Variants in WIPI2 observed in about 807,000 individuals in gnomAD.
WIPI2 encodes the protein WD repeat domain, phosphoinositide interacting 2.
Under a neutral mutation model 52.3 loss-of-function variants are expected in WIPI2, and 28 were observed. That is an observed-to-expected ratio of 0.54 (90% CI 0.40 to 0.73). The LOEUF is 0.73. Ranked by LOEUF, WIPI2 falls within the 30% of genes least tolerant of loss-of-function variation. The pLI is 0.00. For missense variants in WIPI2, 506 were observed against 602.9 expected (o/e 0.84, Z 1.68); for synonymous variants, 268 against 245.0 (o/e 1.09, Z -0.88).
In WIPI2 at chr7:5,218,189, C is replaced by T. The variant is rs367941231; in HGVS notation, c.669+175C>T. The T allele has an allele frequency of 6.9e-5, 42 of 606,944 alleles. No homozygotes were observed. The East Asian group carries it at 7.5e-4, about 11-fold the overall frequency. 37.6% of individuals were successfully genotyped at this position (606,944 alleles called of 1,614,324 possible). A position where few individuals can be genotyped will look rare whatever the true frequency, so the allele number is the denominator to read the frequency against. ...GTGTACTGCCCGAGAGTGAGCGGAG[C>T]TTGCAGTGTGCCACTGGGACGGGAG... On this transcript the variant is annotated intron_variant, in intron 7 of 12. Transcript: ENST00000288828.
At position 5,231,749 on chromosome 7, in the gene WIPI2, ATT is replaced by A. The variant is rs3839712; in HGVS notation, c.*816_*817del. On this transcript the variant is annotated 3_prime_UTR_variant, in exon 13 of 13. Coordinates refer to ENST00000288828, the MANE Select transcript of WIPI2 (RefSeq NM_015610.4). ...ACTCTTCCTGTTGAAAAACTGTGTG[ATT>A]TTTTTTTTTTTTTAAGTAAAGTTTG... 358 of 150,128 alleles carry A rather than the reference ATT, an allele frequency of 2.4e-3. No individual in the cohort carries two copies. Among genetic ancestry groups the A allele is most frequent in the Middle Eastern group, 0.01 (3 of 298 alleles). The allele number at this position is 150,128 out of a possible 1,614,324, so 9.3% of individuals were successfully genotyped here. A position where few individuals can be genotyped will look rare whatever the true frequency, so the allele number is the denominator to read the frequency against.
At chr7:5,210,558 C>T (rs559768557) in intron 3 of WIPI2, among the ~76,000 whole-genome samples, 2 of 152,264 alleles carry the variant, frequency 1.3e-5, no homozygotes, top group African/African-American at 4.8e-5. Flanking sequence ...ATGGCAGGCA[C>T]TGCCCTGTTT....
intron 11 of WIPI2, 103 bp downstream of exon 11, chr7:5,228,314 GA>G: frequency 9.0e-7 from 1 of 1,110,624 alleles, no homozygotes; most frequent in Non-Finnish European, 1.3e-6. Context: ...CAGTGACATA[GA>G]GGGGCAGATT....
chr7:5,190,269 C>G lies in WIPI2; in HGVS notation c.-151C>G, dbSNP rs900778396. 1 of 381,178 alleles carries G rather than the reference C, an allele frequency of 2.6e-6. No individual in the cohort carries two copies. The highest frequency in any genetic ancestry group is 2.1e-5 in the African/African-American group (1 of 46,566). The allele number at this position is 381,178 out of a possible 1,614,324, so 23.6% of individuals were successfully genotyped here. A position where few individuals can be genotyped will look rare whatever the true frequency, so the allele number is the denominator to read the frequency against. Reference sequence around the variant, plus strand: ...CCCGGCTCTGGAGCATAAACAAGAGCGGGGACGGGATGAGGCGGCGGTTGA... The same window carrying G: ...CCCGGCTCTGGAGCATAAACAAGAGGGGGGACGGGATGAGGCGGCGGTTGA... On this transcript the variant is annotated 5_prime_UTR_variant, in exon 1 of 13. Coordinates refer to ENST00000288828, the MANE Select transcript of WIPI2 (RefSeq NM_015610.4).
intron 3 of WIPI2, among the ~76,000 whole-genome samples, chr7:5,201,896 T>A (rs1316026288): frequency 6.6e-6 from 1 of 152,206 alleles, no homozygotes; most frequent in Non-Finnish European, 1.5e-5. Flanking sequence ...TTTAAACTGA[T>A]CTATTACATT....
chr7:5,211,534 A>T (rs1370700708), intron 3 of WIPI2, among the ~76,000 whole-genome samples: 4 of 152,248 alleles, frequency 2.6e-5, no homozygotes, highest in Non-Finnish European at 4.4e-5. Context: ...GTGAGTGTTT[A>T]TGCGGGGTCA....
chr7:5,193,152 G>A lies in WIPI2; in HGVS notation c.109G>A (p.Gly37Ser). The A allele has an allele frequency of 6.2e-7, 1 of 1,613,830 alleles. No homozygotes were observed. The highest frequency in any genetic ancestry group is 8.5e-7 in the Non-Finnish European group (1 of 1,179,994). Residue 37 changes from glycine to serine, a missense_variant, in exon 2 of 13, where the codon GGC (glycine) becomes AGC (serine). Gly to Ser is a moderately conservative substitution (Grantham distance 56, BLOSUM62 0). This residue lies in a region of WIPI2 where 60 missense variants were observed against 49.7 expected (regional missense o/e 1.21). Transcript: ENST00000288828. ...AGGGGCATCAAGAGCAGCTGGTCTT[G>A]GCCGTCGCGCTGTTGTCTGGTTAGT... ...VKGASRAAGLGRRAVVWSLAV... is the reference protein window; with the variant it reads ...VKGASRAAGLSRRAVVWSLAV...
Position 5,227,064 on chromosome 7 carries a change from T to C in WIPI2, c.849-116T>C, listed in dbSNP as rs1783470665. ...TATAACCAACCCTGTTTAATTTTCC[T>C]GTGAAGAATGGAGACTTTTGCTGTC... On this transcript the variant is annotated intron_variant, in intron 9 of 12. Transcript: ENST00000288828. The surrounding 1 kb of genome is among the most constrained non-coding windows in gnomAD (Gnocchi z 8.1). The C allele has an allele frequency of 7.1e-7, 1 of 1,400,738 alleles. No homozygotes were observed. The highest frequency in any genetic ancestry group is 9.7e-7 in the Non-Finnish European group (1 of 1,030,088). The allele number at this position is 1,400,738 out of a possible 1,614,324, so 86.8% of individuals were successfully genotyped here.
Position 5,227,993 on chromosome 7 carries a change from T to C in WIPI2, c.1014-111T>C. The C allele has an allele frequency of 1.0e-6, 1 of 969,436 alleles. No individual in the cohort carries two copies. Among genetic ancestry groups the C allele is most frequent in the Non-Finnish European group, 1.6e-6 (1 of 621,048 alleles). 60.1% of individuals were successfully genotyped at this position (969,436 alleles called of 1,614,324 possible). A position where few individuals can be genotyped will look rare whatever the true frequency, so the allele number is the denominator to read the frequency against. ...CGCCAGACACCTGCAGCTGCCCTTG[T>C]GCTCATCTTGCTGGGGTCTCTTTCC... On this transcript the variant is annotated intron_variant, in intron 10 of 12. Transcript: ENST00000288828. The surrounding 1 kb of genome is among the most constrained non-coding windows in gnomAD (Gnocchi z 8.1).
intron 3 of WIPI2, chr7:5,214,039 G>GGTGGT: frequency 4.3e-6 from 1 of 232,916 alleles, no homozygotes; most frequent in South Asian, 5.7e-5. Flanking sequence ...GAGTGTAATA[G>GGTGGT]CGACATCTTT....
At chr7:5,222,137 C>G (rs1387657721) in intron 7 of WIPI2, among the ~76,000 whole-genome samples, 1 of 152,072 alleles carries the variant, frequency 6.6e-6, no homozygotes. Flanking sequence ...TTAGTAGAGA[C>G]ACAGTTTCTC....
chr7:5,220,142 C>G (rs930937028), intron 7 of WIPI2, among the ~76,000 whole-genome samples: 1 of 151,594 alleles, frequency 6.6e-6, no homozygotes, highest in Non-Finnish European at 1.5e-5. Context: ...GGCCTATATT[C>G]TGATTTCTAA....
At chr7:5,213,717 G>A (rs1422916854) in intron 3 of WIPI2, among the ~76,000 whole-genome samples, 2 of 151,938 alleles carry the variant, frequency 1.3e-5, no homozygotes, top group Non-Finnish European at 1.5e-5. Flanking sequence ...ATGGAGTCTC[G>A]CTCTGTGGCC....
intron 1 of WIPI2, chr7:5,190,953 G>C: frequency 6.4e-6 from 1 of 157,080 alleles, no homozygotes; most frequent in Non-Finnish European, 1.4e-5. Flanking sequence ...ATCGTCTTAA[G>C]ACCCTTCTCT....
intron 2 of WIPI2, among the ~76,000 whole-genome samples, chr7:5,198,154 A>G (rs745689029): frequency 5.9e-5 from 9 of 152,180 alleles, no homozygotes; most frequent in African/African-American, 1.7e-4. Flanking sequence ...CCAGACTCTA[A>G]GGTAGCTTTG....
At chr7:5,215,654 G>C (rs1038805565) in intron 4 of WIPI2, among the ~76,000 whole-genome samples, 1 of 152,258 alleles carries the variant, frequency 6.6e-6, no homozygotes, top group African/African-American at 2.4e-5. Flanking sequence ...AGTCACAGTA[G>C]AGACGTTCTT....
intron 3 of WIPI2, among the ~76,000 whole-genome samples, chr7:5,210,234 G>C (rs1407687745): frequency 6.6e-6 from 1 of 152,148 alleles, no homozygotes; most frequent in Non-Finnish European, 1.5e-5. Context: ...ATAGATAGTT[G>C]CCTAAGTTTT....
chr7:5,203,146 T>C (rs999914653), intron 3 of WIPI2, among the ~76,000 whole-genome samples: 1 of 152,254 alleles, frequency 6.6e-6, no homozygotes, highest in African/African-American at 2.4e-5. Flanking sequence ...TCATTTACTT[T>C]ACGGGCCATC....
intron 2 of WIPI2, among the ~76,000 whole-genome samples, chr7:5,195,910 T>G (rs376687251): frequency 6.6e-4 from 100 of 151,798 alleles, no homozygotes; most frequent in Admixed American, 3.9e-4. Context: ...GTGATGGTGG[T>G]CACCTGTAAT....
Sources: gnomAD v4.1 joint callset for allele counts (sites outside exome capture counted in the v4.1 genomes callset) on GRCh38, gnomAD v4.1.1 for gene constraint, gnomAD v4.1.1 regional missense constraint, Gnocchi (gnomAD v3.1) non-coding constraint, MANE v1.5 for transcripts, NCBI Gene and HGNC (gene_info 2026-07-23, HGNC 2026-07-21) for gene names.